Variants in ARID4B observed in about 807,000 individuals in gnomAD.
The protein encoded by ARID4B is AT-rich interactive domain-containing protein 4B.
ARID4B carries 26 observed loss-of-function variants against 147.5 expected under a neutral mutation model. The ratio of observed to expected loss-of-function variants is 0.18; its 90% CI spans 0.13 to 0.24. The LOEUF is 0.24. Among genes scored for constraint, ARID4B ranks in the 10% least tolerant of loss-of-function variants. ARID4B has a pLI of 1.00. For synonymous variants in ARID4B, 512 were observed against 507.9 expected, an observed-to-expected ratio of 1.01 and a Z score of -0.11; for missense variants, 1,179 against 1,511.5, an observed-to-expected ratio of 0.78 and a Z score of 3.65.
At chr1:235,316,672 A>G (rs1674459354) in intron 2 of ARID4B, among the ~76,000 whole-genome samples, 1 of 152,104 alleles carries the variant, frequency 6.6e-6, no homozygotes, top group Non-Finnish European at 1.5e-5. Flanking sequence ...TACAAAAATT[A>G]GCCAGGTGTG....
chr1:235,262,693 C>T (rs937108180), intron 2 of ARID4B, among the ~76,000 whole-genome samples: 18 of 152,178 alleles, frequency 1.2e-4, no homozygotes, highest in East Asian at 5.8e-4. Flanking sequence ...AAAATGGCCA[C>T]GCATTGTGGC....
At chr1:235,320,745 G>A (rs544200579) in intron 2 of ARID4B, among the ~76,000 whole-genome samples, 1 of 152,120 alleles carries the variant, frequency 6.6e-6, no homozygotes, top group South Asian at 2.1e-4. Flanking sequence ...TTCCTTAAAT[G>A]TATCACACTC....
intron 2 of ARID4B, among the ~76,000 whole-genome samples, chr1:235,263,308 T>A (rs1670402837): frequency 6.6e-6 from 1 of 152,226 alleles, no homozygotes; most frequent in Non-Finnish European, 1.5e-5. Context: ...GATACACTTT[T>A]AAATTTTTAA....
At chr1:235,305,075 G>A (rs191659565) in intron 2 of ARID4B, among the ~76,000 whole-genome samples, 63 of 152,268 alleles carry the variant, frequency 4.1e-4, no homozygotes, top group Admixed American at 3.1e-3. Flanking sequence ...ACCTTGAAAG[G>A]GGGAGATTAG....
At chr1:235,220,028 GGT>G in intron 15 of ARID4B, 60 bp from the exon 16 acceptor site, 1 of 1,161,450 alleles carries the variant, frequency 8.6e-7, no homozygotes, top group South Asian at 1.8e-5. Flanking sequence ...CTATATCCAT[GGT>G]TTATCTCTTA....
At chr1:235,304,792 C>T (rs1673429184) in intron 2 of ARID4B, among the ~76,000 whole-genome samples, 1 of 152,174 alleles carries the variant, frequency 6.6e-6, no homozygotes, top group Non-Finnish European at 1.5e-5. Flanking sequence ...AAAGCATCTG[C>T]TAATTAAGTG....
intron 3 of ARID4B, among the ~76,000 whole-genome samples, chr1:235,260,360 A>G (rs1024978763): frequency 3.9e-5 from 6 of 152,224 alleles, no homozygotes; most frequent in African/African-American, 1.4e-4. Flanking sequence ...AAAATGAAGC[A>G]ATTAAACTAG....
intron 19 of ARID4B, among the ~76,000 whole-genome samples, chr1:235,190,321 C>A (rs1665007322): frequency 6.6e-6 from 1 of 151,844 alleles, no homozygotes; most frequent in Non-Finnish European, 1.5e-5. Context: ...GGTGGCAGGC[C>A]CCTGCAATCC....
intron 7 of ARID4B, among the ~76,000 whole-genome samples, chr1:235,245,195 C>T (rs1669224406): frequency 6.6e-6 from 1 of 152,176 alleles, no homozygotes; most frequent in Admixed American, 6.5e-5. Flanking sequence ...AAACCACTAA[C>T]TTAGAATGTT....
At chr1:235,318,864 G>A (rs1347911460) in intron 2 of ARID4B, among the ~76,000 whole-genome samples, 1 of 151,958 alleles carries the variant, frequency 6.6e-6, no homozygotes, top group Non-Finnish European at 1.5e-5. Context: ...CTGGGTGACA[G>A]AATCAAAACT....
At chr1:235,252,596 A>G in intron 6 of ARID4B, 134 bp downstream of exon 6, 1 of 606,566 alleles carries the variant, frequency 1.6e-6, no homozygotes, top group African/African-American at 1.9e-5. Context: ...GGCTTCACAG[A>G]TTACATCATA....
At chr1:235,224,498 C>G (rs1281327257) in intron 12 of ARID4B, among the ~76,000 whole-genome samples, 1 of 152,152 alleles carries the variant, frequency 6.6e-6, no homozygotes, top group African/African-American at 2.4e-5. Context: ...TCCATAGCCA[C>G]AATATCTGTC....
chr1:235,186,254 A>G (rs1571921132), intron 19 of ARID4B, among the ~76,000 whole-genome samples: 2 of 152,216 alleles, frequency 1.3e-5, no homozygotes, highest in African/African-American at 4.8e-5. Context: ...GGCGTGAGCC[A>G]CCGCGCCTGG....
At chr1:235,214,688 AAC>A (rs372901862) in intron 16 of ARID4B, among the ~76,000 whole-genome samples, 140 of 152,288 alleles carry the variant, frequency 9.2e-4, no homozygotes, top group African/African-American at 3.2e-3. Context: ...TTTAAACTTC[AAC>A]ACAATTTCTA....
chr1:235,294,071 C>G (rs1672514369), intron 2 of ARID4B, among the ~76,000 whole-genome samples: 1 of 151,934 alleles, frequency 6.6e-6, no homozygotes, highest in South Asian at 2.1e-4. Flanking sequence ...TATTGACATA[C>G]AATATGTCCA....
intron 9 of ARID4B, among the ~76,000 whole-genome samples, 188 bp from the exon 10 acceptor site, chr1:235,231,377 C>T (rs370647586): frequency 8.5e-5 from 13 of 152,294 alleles, no homozygotes; most frequent in African/African-American, 2.6e-4. Flanking sequence ...TGTTAAAATA[C>T]GTAATCATCT....
At chr1:235,228,533 T>C (rs1362282937) in intron 11 of ARID4B, 2 of 151,848 alleles carry the variant, frequency 1.3e-5, no homozygotes, top group Admixed American at 6.6e-5. Context: ...CCCAGTCTGG[T>C]CTCAAACTCC....
chr1:235,236,273 A>T lies in ARID4B; in HGVS notation c.586-1781T>A, dbSNP rs995095417. On this transcript the variant is annotated intron_variant, in intron 8 of 23. Transcript: ENST00000264183. ...CCGTCCAATGGATCTCAATTTTGGG[A>T]GGAGATAACATACATCAATAATTCT... Among the ~76,000 whole-genome samples the T allele has an allele frequency of 2.0e-5, 3 of 152,120 alleles. No individual in the cohort carries two copies. The South Asian group carries it at 6.2e-4, about 32-fold the overall frequency.
chr1:235,248,959 G>A (rs1669470602), intron 6 of ARID4B, among the ~76,000 whole-genome samples: 1 of 152,188 alleles, frequency 6.6e-6, no homozygotes, highest in African/African-American at 2.4e-5. Flanking sequence ...CCTAAAATGG[G>A]CTGCAGAAAA....
Sources: allele counts gnomAD v4.1 joint callset (sites outside exome capture counted in the v4.1 genomes callset), GRCh38; gene constraint gnomAD v4.1.1; transcripts MANE v1.5; gene names NCBI Gene and HGNC (gene_info 2026-07-23, HGNC 2026-07-21).